The following PLEKHA7 variants were observed in gnomAD, a reference collection of about 807,000 sequenced individuals.
The protein encoded by PLEKHA7 is pleckstrin homology domain containing A7.
In PLEKHA7, 104 loss-of-function variants were observed where a neutral mutation model predicts 170.0. The ratio of observed to expected loss-of-function variants is 0.61; its 90% CI spans 0.52 to 0.72. PLEKHA7 has a LOEUF of 0.72. Ranked by LOEUF, PLEKHA7 falls within the 30% of genes least tolerant of loss-of-function variation. PLEKHA7 has a pLI of 0.00. For synonymous variants in PLEKHA7, 648 were observed against 660.8 expected (o/e 0.98, Z 0.30); for missense variants, 1,615 against 1,671.7 (o/e 0.97, Z 0.59).
At position 16,789,845 on chromosome 11, in the gene PLEKHA7, G is replaced by A. The variant is rs765147502; in HGVS notation, c.3086C>T (p.Ser1029Leu). 1.9e-5 allele frequency: 30 copies of A among 1,614,098 alleles called. No homozygotes were observed. Among genetic ancestry groups the A allele is most frequent in the South Asian group, 3.3e-5 (3 of 91,076 alleles). The change falls in exon 22 of 27, where the codon TCG becomes TTG. Residue 1029 changes from serine (S) to leucine (L), a missense_variant. Ser to Leu is a moderately radical substitution (Grantham distance 145). Transcript: ENST00000531066. This position sits in a 1 kb window ranked among gnomAD's most constrained non-coding sequence, Gnocchi z 4.6. Reference sequence around the variant, plus strand: ...TGTGACGTAGGGAGCAATGGTGGACGACTGCTGGAGCCTTGACGTGGACCC... The same window carrying A: ...TGTGACGTAGGGAGCAATGGTGGACAACTGCTGGAGCCTTGACGTGGACCC... ...LSGSTSRLQQSSTIAPYVTLR... is the reference protein window; with the variant it reads ...LSGSTSRLQQLSTIAPYVTLR...
At chr11:16,892,386 G>T (rs1226591087) in intron 3 of PLEKHA7, among the ~76,000 whole-genome samples, 1 of 147,934 alleles carries the variant, frequency 6.8e-6, no homozygotes. Context: ...TCACAGCCAT[G>T]CAGGAGAGGT....
Position 16,803,277 on chromosome 11 carries a change from G to A in PLEKHA7, c.2026C>T (p.Leu676Phe). Reference sequence around the variant, plus strand: ...ACAGGCTTCAGACTTCGATCCTTGAGAAGGTCCCGGCCTGTCATCTGGGAG... The same window carrying A: ...ACAGGCTTCAGACTTCGATCCTTGAAAAGGTCCCGGCCTGTCATCTGGGAG... ...LDLKMTGRDL[L>F]KDRSLKPVKI... The change falls in exon 14 of 27, where the codon CTC becomes TTC. Residue 676 changes from leucine to phenylalanine, a missense_variant. Physicochemically the swap from Leu to Phe is conservative, Grantham distance 22. Coordinates refer to ENST00000531066, the MANE Select transcript of PLEKHA7 (RefSeq NM_001329630.2). The A allele has an allele frequency of 6.2e-7, 1 of 1,613,898 alleles. No homozygotes were observed.
At chr11:16,790,608 G>C in intron 21 of PLEKHA7, 190 bp downstream of exon 21, 1 of 594,630 alleles carries the variant, frequency 1.7e-6, no homozygotes, top group Non-Finnish European at 3.0e-6. Context: ...TAACAAAAGA[G>C]GAAGAGAATC....
At chr11:16,932,659 A>C (rs1172316645) in intron 3 of PLEKHA7, among the ~76,000 whole-genome samples, 1 of 152,254 alleles carries the variant, frequency 6.6e-6, no homozygotes, top group African/African-American at 2.4e-5. Flanking sequence ...TAGTAGTGAC[A>C]GAAGAGACAG....
intron 4 of PLEKHA7, among the ~76,000 whole-genome samples, chr11:16,867,116 G>A (rs1352808863): frequency 1.3e-5 from 2 of 152,118 alleles, no homozygotes; most frequent in East Asian, 1.9e-4. Flanking sequence ...AGACACCTGG[G>A]GGTGAAGAGA....
Position 16,817,336 on chromosome 11 carries a change from G to A in PLEKHA7, c.1344-14C>T, listed in dbSNP as rs774515470. The A allele has an allele frequency of 6.3e-7, 1 of 1,592,334 alleles. No homozygotes were observed. The highest frequency in any genetic ancestry group is 1.7e-5 in the Admixed American group (1 of 58,292). Reference sequence around the variant, plus strand: ...TCCAAGGGAAGACTGAGGAGAAAGGGTAAGAACGGGTCAGGCAACCAAGCG... The same window carrying A: ...TCCAAGGGAAGACTGAGGAGAAAGGATAAGAACGGGTCAGGCAACCAAGCG... On this transcript the variant is annotated splice_polypyrimidine_tract_variant and intron_variant, in intron 10 of 26. Coordinates refer to ENST00000531066, the MANE Select transcript of PLEKHA7 (RefSeq NM_001329630.2). The surrounding 1 kb of genome is among the most constrained non-coding windows in gnomAD (Gnocchi z 4.4).
chr11:16,899,220 G>T (rs960106766), intron 3 of PLEKHA7, among the ~76,000 whole-genome samples: 1 of 152,220 alleles, frequency 6.6e-6, no homozygotes, highest in African/African-American at 2.4e-5. Flanking sequence ...CATATGGCTG[G>T]GCGCGGTGGC....
rs537024056 is a variant in PLEKHA7, at chr11:16,797,992, A to C, written c.2410-2974T>G. The stretch of plus-strand genomic sequence containing the variant: ...TGAGGGGAGGGGAATTTTGGGGGAA[A>C]TGAGGGGGTGGAGTTTCATTCCTGC... On this transcript the variant is annotated intron_variant, in intron 17 of 26. Coordinates refer to ENST00000531066, the MANE Select transcript of PLEKHA7 (RefSeq NM_001329630.2). 2.6e-3 allele frequency among the ~76,000 whole-genome samples: 400 copies of C among 152,266 alleles called. 3 individuals are homozygous for C. The highest frequency in any genetic ancestry group is 9.3e-3 in the African/African-American group (387 of 41,554).
chr11:17,005,337 G>T (rs554130124), intron 3 of PLEKHA7, among the ~76,000 whole-genome samples: 2 of 152,090 alleles, frequency 1.3e-5, no homozygotes, highest in East Asian at 3.9e-4. Flanking sequence ...TTTGAGACCA[G>T]CCTGGCCAAC....
At chr11:16,812,453 T>C (rs1321900870) in intron 13 of PLEKHA7, 1 of 152,284 alleles carries the variant, frequency 6.6e-6, no homozygotes, top group Non-Finnish European at 1.5e-5. Context: ...GTCTATTTCA[T>C]GGCTCAGGCG....
At chr11:16,975,317 A>C (rs1862993456) in intron 3 of PLEKHA7, among the ~76,000 whole-genome samples, 2 of 152,238 alleles carry the variant, frequency 1.3e-5, no homozygotes, top group Non-Finnish European at 2.9e-5. Flanking sequence ...TTTTGTGATC[A>C]GCTACCACAA....
chr11:16,982,952 CT>C (rs1755091442), intron 3 of PLEKHA7, among the ~76,000 whole-genome samples: 1 of 152,144 alleles, frequency 6.6e-6, no homozygotes, highest in African/African-American at 2.4e-5. Context: ...CCTTTCTTCC[CT>C]TCCTGACCTG....
intron 20 of PLEKHA7, 27 bp downstream of exon 20, chr11:16,790,984 G>A (rs748338378): frequency 5.0e-6 from 8 of 1,613,960 alleles, no homozygotes; most frequent in South Asian, 3.3e-5. Flanking sequence ...CACATGTAGA[G>A]TGGCAGCCCC....
chr11:16,795,172 T>C (rs1848134288), intron 17 of PLEKHA7, 154 bp from the exon 18 acceptor site: 1 of 612,330 alleles, frequency 1.6e-6, no homozygotes, highest in South Asian at 2.0e-5. Context: ...GCTTCATAGC[T>C]TTCTAGGTAA....
intron 12 of PLEKHA7, among the ~76,000 whole-genome samples, chr11:16,814,968 A>C (rs1849639710): frequency 6.6e-6 from 1 of 152,158 alleles, no homozygotes; most frequent in Non-Finnish European, 1.5e-5. Flanking sequence ...GGGCCCCTAC[A>C]CCACATGCAG....
At chr11:16,907,739 G>A (rs1365222754) in intron 3 of PLEKHA7, among the ~76,000 whole-genome samples, 2 of 142,822 alleles carry the variant, frequency 1.4e-5, no homozygotes, top group South Asian at 2.4e-4. Flanking sequence ...CCCTCTGCCC[G>A]GCCACCACCC....
chr11:16,830,590 G>C (rs1040917614), intron 9 of PLEKHA7, among the ~76,000 whole-genome samples: 6 of 152,180 alleles, frequency 3.9e-5, no homozygotes, highest in African/African-American at 1.4e-4. Flanking sequence ...GAATTGAGAG[G>C]AAATGAAGGA....
At chr11:16,815,616 C>G (rs1191349523) in intron 12 of PLEKHA7, among the ~76,000 whole-genome samples, 1 of 152,148 alleles carries the variant, frequency 6.6e-6, no homozygotes, top group Non-Finnish European at 1.5e-5. Context: ...ACTCCACCTC[C>G]TGAGTTCTCG....
intron 3 of PLEKHA7, chr11:16,881,437 T>G (rs1374652137): frequency 3.3e-5 from 5 of 152,152 alleles, no homozygotes; most frequent in Non-Finnish European, 5.9e-5. Flanking sequence ...GTGTTACAAA[T>G]CCAGCAGCCA....
Sources: gnomAD v4.1 joint callset for allele counts (sites outside exome capture counted in the v4.1 genomes callset) on GRCh38, gnomAD v4.1.1 for gene constraint, Gnocchi (gnomAD v3.1) non-coding constraint, MANE v1.5 for transcripts, NCBI Gene and HGNC (gene_info 2026-07-23, HGNC 2026-07-21) for gene names.